Variants in EVA1A observed in about 807,000 individuals in gnomAD.
The protein encoded by EVA1A is protein eva-1 homolog A.
In EVA1A, 7 loss-of-function variants were observed where a neutral mutation model predicts 9.8. The ratio of observed to expected loss-of-function variants is 0.71; its 90% CI spans 0.41 to 1.34. The LOEUF (loss-of-function observed/expected upper bound fraction) is 1.34. EVA1A is among the 40% of genes most tolerant of loss of function. The pLI, the probability that EVA1A is intolerant of heterozygous loss-of-function variation, is 0.01. For missense variants in EVA1A, 206 were observed against 205.9 expected (o/e 1.00, Z 0.00); for synonymous variants, 90 against 85.6 (o/e 1.05, Z -0.28).
chr2:75,514,467 G>T (rs965247403), intron 3 of EVA1A, among the ~76,000 whole-genome samples: 3 of 152,074 alleles, frequency 2.0e-5, no homozygotes, highest in East Asian at 3.8e-4. Context: ...TCTACTATAT[G>T]TATGGTATAA....
At chr2:75,563,363 T>C (rs17011455), upstream of EVA1A, among the ~76,000 whole-genome samples, 7,192 of 152,232 alleles carry the variant, frequency 0.047, 256 homozygotes, top group African/African-American at 0.095. Context: ...GATAAATGAC[T>C]ACTTAAGGAT....
rs765277685 is a variant in EVA1A, at chr2:75,528,600, C to G, written c.-191-6113G>C. ...CCTGAGAACCACTGCCCCGTCCCCCCAGGTGGTCTCTGCAGGCACCACCCA... is the reference window on the plus strand; with the variant it reads ...CCTGAGAACCACTGCCCCGTCCCCCGAGGTGGTCTCTGCAGGCACCACCCA... On this transcript the variant is annotated intron_variant, in intron 1 of 3. Coordinates refer to ENST00000393913, the MANE Select transcript of EVA1A (RefSeq NM_001135032.2). Among the ~76,000 whole-genome samples the G allele has an allele frequency of 3.3e-5, 5 of 152,174 alleles. No individual in the cohort carries two copies. In the South Asian group the frequency reaches 1.0e-3, roughly 32 times the overall value.
chr2:75,551,582 G>A (rs992354606), intron 1 of EVA1A, among the ~76,000 whole-genome samples: 13 of 152,116 alleles, frequency 8.5e-5, no homozygotes, highest in East Asian at 1.9e-4. Context: ...TGCCACTCTC[G>A]GAAGCAATCT....
chr2:75,563,245 G>A (rs1676959542), upstream of EVA1A, among the ~76,000 whole-genome samples: 1 of 152,212 alleles, frequency 6.6e-6, no homozygotes, highest in South Asian at 2.1e-4. Context: ...TCTACTTCTG[G>A]TTGTGCAGCA....
chr2:75,533,047 G>A (rs1675725627), intron 1 of EVA1A, among the ~76,000 whole-genome samples: 1 of 151,856 alleles, frequency 6.6e-6, no homozygotes, highest in Non-Finnish European at 1.5e-5. Flanking sequence ...AGGAGGCTGA[G>A]GTGAGAGGAT....
chr2:75,546,727 C>T (rs979905065), intron 1 of EVA1A, among the ~76,000 whole-genome samples: 3 of 152,022 alleles, frequency 2.0e-5, no homozygotes, highest in Non-Finnish European at 1.5e-5. Flanking sequence ...ACTTCCAACA[C>T]CTCAAAATAT....
upstream of EVA1A, among the ~76,000 whole-genome samples, chr2:75,563,232 T>G (rs1676959188): frequency 6.6e-6 from 1 of 152,206 alleles, no homozygotes; most frequent in African/African-American, 2.4e-5. Flanking sequence ...GCCATCTAGA[T>G]TATCTACTTC....
upstream of EVA1A, among the ~76,000 whole-genome samples, chr2:75,563,879 G>C (rs1676971812): frequency 6.6e-6 from 1 of 152,178 alleles, no homozygotes; most frequent in African/African-American, 2.4e-5. Context: ...GACACTCTAG[G>C]CTGAGAGGAG....
intron 1 of EVA1A, among the ~76,000 whole-genome samples, chr2:75,551,297 A>G (rs941757890): frequency 6.6e-6 from 1 of 152,008 alleles, no homozygotes; most frequent in African/African-American, 2.4e-5. Flanking sequence ...CTCACCTCAC[A>G]TTTGTTCATT....
At chr2:75,511,892 G>C (rs950654186) in intron 3 of EVA1A, among the ~76,000 whole-genome samples, 6 of 152,086 alleles carry the variant, frequency 3.9e-5, no homozygotes, top group Non-Finnish European at 8.8e-5. Context: ...ATATAGTATG[G>C]TGGATGATGG....
intron 1 of EVA1A, among the ~76,000 whole-genome samples, chr2:75,568,833 A>T (rs1056635157): frequency 7.2e-5 from 11 of 152,232 alleles, no homozygotes; most frequent in South Asian, 2.1e-4. Context: ...ATGTACATAC[A>T]CCACATTTTC....
rs1255084726 is a variant in EVA1A, at chr2:75,500,728, TCCTC to T, written c.86-7123_86-7120del. On this transcript the variant is annotated intron_variant, in intron 3 of 3. Transcript: ENST00000393913. ...TATCCCTTTCTTTCCCTCTCTCCCT[TCCTC>T]CCTCCCTCCCTCCCCTTTTCAACCT... Among the ~76,000 whole-genome samples, 8 of 151,078 alleles carry T rather than the reference TCCTC, an allele frequency of 5.3e-5. No homozygotes were observed. The East Asian group carries it at 9.8e-4, about 18-fold the overall frequency.
intron 1 of EVA1A, among the ~76,000 whole-genome samples, chr2:75,533,788 T>C (rs183451104): frequency 2.9e-4 from 44 of 150,784 alleles, no homozygotes; most frequent in Admixed American, 5.9e-4. Context: ...TAATAATTAT[T>C]ATTTTATTTT....
At chr2:75,519,167 C>A (rs575658071) in intron 2 of EVA1A, among the ~76,000 whole-genome samples, 1 of 152,202 alleles carries the variant, frequency 6.6e-6, no homozygotes, top group Non-Finnish European at 1.5e-5. Context: ...CAGAGAGCTC[C>A]TGGGCACGAA....
At chr2:75,544,826 A>G (rs990605806) in intron 1 of EVA1A, among the ~76,000 whole-genome samples, 2 of 152,178 alleles carry the variant, frequency 1.3e-5, no homozygotes, top group Admixed American at 1.3e-4. Context: ...TCATGTTTCT[A>G]GATCATTGAA....
chr2:75,564,028 A>C (rs760005673), upstream of EVA1A, among the ~76,000 whole-genome samples: 59 of 152,372 alleles, frequency 3.9e-4, no homozygotes, highest in South Asian at 6.2e-4. Context: ...TTCTAGGGAG[A>C]CATATTTATG....
At chr2:75,521,873 A>G (rs143198954) in intron 2 of EVA1A, among the ~76,000 whole-genome samples, 1 of 152,292 alleles carries the variant, frequency 6.6e-6, no homozygotes, top group African/African-American at 2.4e-5. Context: ...GGTGAGGTAA[A>G]ACAGGGAATT....
intron 3 of EVA1A, among the ~76,000 whole-genome samples, chr2:75,513,490 G>A (rs1308518802): frequency 6.6e-6 from 1 of 152,040 alleles, no homozygotes; most frequent in African/African-American, 2.4e-5. Flanking sequence ...TAGGTTTTAT[G>A]TGTAAGTGAG....
At chr2:75,503,811 G>A (rs75658027) in intron 3 of EVA1A, among the ~76,000 whole-genome samples, 3,016 of 152,092 alleles carry the variant, frequency 0.02, 87 homozygotes, top group African/African-American at 0.061. Flanking sequence ...CGGGATACAC[G>A]GTACAAATAT....
Sources: allele counts gnomAD v4.1 joint callset (sites outside exome capture counted in the v4.1 genomes callset), GRCh38; gene constraint gnomAD v4.1.1; transcripts MANE v1.5; gene names NCBI Gene and HGNC (gene_info 2026-07-23, HGNC 2026-07-21).